Variants in NBEA observed in about 807,000 individuals in gnomAD.
NBEA encodes the protein neurobeachin, also known as lysosomal-trafficking regulator 2.
Under a neutral mutation model 343.4 loss-of-function variants are expected in NBEA, and 44 were observed. The observed-to-expected ratio is 0.13, with a 90% confidence interval of 0.10 to 0.16. NBEA has a LOEUF of 0.16. NBEA is among the 10% of genes least tolerant of loss of function. The pLI, the probability that NBEA is intolerant of heterozygous loss-of-function variation, is 1.00. For synonymous variants in NBEA, 1,175 were observed against 1,238.7 expected (o/e 0.95, Z 1.08); for missense variants, 2,555 against 3,631.3 (o/e 0.70, Z 7.62).
At chr13:35,512,195 G>A (rs76381887) in intron 41 of NBEA, among the ~76,000 whole-genome samples, 5 of 152,140 alleles carry the variant, frequency 3.3e-5, no homozygotes, top group African/African-American at 4.8e-5. Flanking sequence ...AAGTAAAATC[G>A]TGAACCCATA....
intron 1 of NBEA, among the ~76,000 whole-genome samples, chr13:34,992,510 A>G (rs1031387344): frequency 3.3e-5 from 5 of 150,692 alleles, no homozygotes; most frequent in Non-Finnish European, 1.5e-5. Flanking sequence ...CAAGAAGCAA[A>G]TAATTTTGGA....
At chr13:35,220,814 A>T (rs2074319996) in intron 33 of NBEA, among the ~76,000 whole-genome samples, 1 of 152,046 alleles carries the variant, frequency 6.6e-6, no homozygotes, top group South Asian at 2.1e-4. Context: ...ATTGCTTCTG[A>T]CCCATTTTAT....
intron 49 of NBEA, among the ~76,000 whole-genome samples, chr13:35,636,068 G>T (rs1218428330): frequency 6.6e-6 from 1 of 152,156 alleles, no homozygotes; most frequent in Non-Finnish European, 1.5e-5. Context: ...GGTGAAAATT[G>T]CAGCCTGCTG....
intron 16 of NBEA, among the ~76,000 whole-genome samples, chr13:35,123,117 C>G (rs191801938): frequency 6.6e-6 from 1 of 152,182 alleles, no homozygotes; most frequent in East Asian, 1.9e-4. Flanking sequence ...TTTGGCAAAA[C>G]CTCACCTCTA....
In NBEA at chr13:35,196,279, T is replaced by G. The variant is rs558632472; in HGVS notation, c.5343T>G (p.Pro1781=). 6.2e-7 allele frequency: 1 copy of G among 1,612,996 alleles called. No homozygotes were observed. The highest frequency in any genetic ancestry group is 2.2e-5 in the East Asian group (1 of 44,746). The stretch of plus-strand genomic sequence containing the variant: ...AGAGAGAAACACAAGCTATTCTTCC[T>G]ATGCAGTTTCATTCCTTTGACAGGT... ...ALKRETQAIL[P]MQFHSFDRSV... The change falls in exon 31 of 59, where the codon CCT becomes CCG. Residue 1781 remains proline (P), a synonymous_variant. Transcript: ENST00000379939.
At chr13:35,246,603 G>A (rs1403654646) in intron 34 of NBEA, among the ~76,000 whole-genome samples, 1 of 152,168 alleles carries the variant, frequency 6.6e-6, no homozygotes, top group South Asian at 2.1e-4. Context: ...GGCTGGTACT[G>A]AGGTTTGTTT....
intron 48 of NBEA, among the ~76,000 whole-genome samples, chr13:35,620,327 TGAAGG>T (rs2153060039): frequency 6.6e-6 from 1 of 152,038 alleles, no homozygotes; most frequent in South Asian, 2.1e-4. Flanking sequence ...AGCCTCCCTA[TGAAGG>T]GAGATTAGAG....
chr13:35,352,583 A>G (rs1399732415), intron 38 of NBEA, among the ~76,000 whole-genome samples: 1 of 152,066 alleles, frequency 6.6e-6, no homozygotes, highest in Non-Finnish European at 1.5e-5. Flanking sequence ...ATGGTTAGGC[A>G]AGTATTTTAG....
intron 45 of NBEA, among the ~76,000 whole-genome samples, chr13:35,574,734 T>C (rs981869958): frequency 2.0e-5 from 3 of 151,348 alleles, no homozygotes; most frequent in Non-Finnish European, 4.4e-5. Flanking sequence ...AAAAATTAAA[T>C]TAAAAAAATA....
chr13:35,319,695 A>G (rs1697628361), intron 36 of NBEA, among the ~76,000 whole-genome samples: 2 of 152,200 alleles, frequency 1.3e-5, no homozygotes, highest in South Asian at 4.1e-4. Flanking sequence ...GTGGGGTGTT[A>G]AAGTCTCCCA....
chr13:35,280,095 A>G (rs1378099112), intron 34 of NBEA, among the ~76,000 whole-genome samples: 1 of 152,170 alleles, frequency 6.6e-6, no homozygotes, highest in Admixed American at 6.6e-5. Flanking sequence ...TACATGTTAT[A>G]TTATCCACAC....
chr13:35,431,087 A>C (rs899207051), intron 38 of NBEA, among the ~76,000 whole-genome samples: 1 of 152,076 alleles, frequency 6.6e-6, no homozygotes, highest in Non-Finnish European at 1.5e-5. Context: ...ATGGCCATAC[A>C]TTGAAAAAAT....
At chr13:35,019,038 T>A (rs1213423274) in intron 1 of NBEA, among the ~76,000 whole-genome samples, 1 of 152,008 alleles carries the variant, frequency 6.6e-6, no homozygotes, top group African/African-American at 2.4e-5. Flanking sequence ...ATATGGGGAA[T>A]TATGTCATTT....
intron 1 of NBEA, among the ~76,000 whole-genome samples, chr13:34,963,706 C>T (rs1256304314): frequency 3.2e-5 from 4 of 126,664 alleles, no homozygotes; most frequent in African/African-American, 1.2e-4. Flanking sequence ...CTCTTTTCTT[C>T]CCCCCCCCGA....
intron 48 of NBEA, among the ~76,000 whole-genome samples, chr13:35,616,995 T>G (rs867376888): frequency 6.6e-6 from 1 of 152,262 alleles, no homozygotes; most frequent in African/African-American, 2.4e-5. Context: ...GATTCATATG[T>G]AATTCAGTGA....
At chr13:35,090,061 A>AAAAT (rs71078079) in intron 10 of NBEA, among the ~76,000 whole-genome samples, 1,866 of 145,166 alleles carry the variant, frequency 0.013, 30 homozygotes, top group East Asian at 0.056. Context: ...AAAGTATAAT[A>AAAAT]AAATAAATAA....
At chr13:35,170,715 A>G (rs1411251855) in intron 25 of NBEA, among the ~76,000 whole-genome samples, 1 of 151,894 alleles carries the variant, frequency 6.6e-6, no homozygotes, top group Non-Finnish European at 1.5e-5. Flanking sequence ...TTTATCGTAC[A>G]TGTAAAGTAC....
At chr13:35,043,457 C>T (rs1006157756) in intron 2 of NBEA, among the ~76,000 whole-genome samples, 2 of 151,650 alleles carry the variant, frequency 1.3e-5, no homozygotes, top group Non-Finnish European at 3.0e-5. Context: ...CTTAAAAATA[C>T]TTCATATTAT....
intron 38 of NBEA, among the ~76,000 whole-genome samples, chr13:35,400,389 G>A (rs766116250): frequency 2.0e-5 from 3 of 151,820 alleles, no homozygotes; most frequent in Non-Finnish European, 2.9e-5. Flanking sequence ...ATATGTTTAA[G>A]GGATATAATG....
Sources: gnomAD v4.1 joint callset for allele counts (sites outside exome capture counted in the v4.1 genomes callset) on GRCh38, gnomAD v4.1.1 for gene constraint, MANE v1.5 for transcripts, NCBI Gene and HGNC (gene_info 2026-07-23, HGNC 2026-07-21) for gene names.